The following B3GALT1 variants were observed in gnomAD, a reference collection of about 807,000 sequenced individuals.
B3GALT1 encodes UDP-Gal:betaGlcNAc beta 1,3-galactosyltransferase, polypeptide 1.
A neutral mutation model predicts 23.2 loss-of-function variants in B3GALT1; 10 were observed. The observed-to-expected ratio is 0.43, with a 90% CI of 0.27 to 0.73. B3GALT1 has a LOEUF of 0.73. Ranked by LOEUF, B3GALT1 falls within the 30% of genes least tolerant of loss-of-function variation. The pLI, the probability that B3GALT1 is intolerant of heterozygous loss-of-function variation, is 0.21. For synonymous variants in B3GALT1, 156 were observed against 141.5 expected (o/e 1.10, Z -0.73); for missense variants, 299 against 405.4 (o/e 0.74, Z 2.25).
chr2:167,607,471 C>T (rs1684985459), intron 2 of B3GALT1, among the ~76,000 whole-genome samples: 1 of 152,180 alleles, frequency 6.6e-6, no homozygotes, highest in African/African-American at 2.4e-5. Context: ...TACGATCTTA[C>T]TGCTAGTGCA....
At chr2:167,520,085 G>T (rs1700165624) in intron 2 of B3GALT1, among the ~76,000 whole-genome samples, 2 of 151,120 alleles carry the variant, frequency 1.3e-5, no homozygotes, top group Middle Eastern at 3.2e-3. Flanking sequence ...TAATATGAAA[G>T]ATGGAATCAA....
At chr2:167,753,689 G>T (rs2105289597) in intron 3 of B3GALT1, among the ~76,000 whole-genome samples, 1 of 152,212 alleles carries the variant, frequency 6.6e-6, no homozygotes, top group Non-Finnish European at 1.5e-5. Flanking sequence ...TGTTTTAATT[G>T]CACAAAATTT....
At chr2:167,614,794 A>G (rs991482134) in intron 2 of B3GALT1, among the ~76,000 whole-genome samples, 1 of 152,052 alleles carries the variant, frequency 6.6e-6, no homozygotes, top group Non-Finnish European at 1.5e-5. Context: ...TTTCAAATAC[A>G]TTAGAAAAGG....
chr2:167,500,208 C>A (rs747383036), intron 2 of B3GALT1, among the ~76,000 whole-genome samples: 1 of 152,136 alleles, frequency 6.6e-6, no homozygotes, highest in Non-Finnish European at 1.5e-5. Context: ...GAGTTCTCAA[C>A]CTCTGTCAAT....
chr2:167,411,086 A>G (rs544681454), intron 1 of B3GALT1, among the ~76,000 whole-genome samples: 1 of 149,816 alleles, frequency 6.7e-6, no homozygotes, highest in East Asian at 1.9e-4. Flanking sequence ...AAGTGTTACA[A>G]AAAAAAAAAG....
At chr2:167,718,160 T>C (rs1687179952) in intron 3 of B3GALT1, among the ~76,000 whole-genome samples, 1 of 152,074 alleles carries the variant, frequency 6.6e-6, no homozygotes, top group East Asian at 1.9e-4. Flanking sequence ...TGTGACCAAA[T>C]TACAGAAGGT....
At chr2:167,376,148 C>G (rs79504832) in intron 1 of B3GALT1, among the ~76,000 whole-genome samples, 4,900 of 152,170 alleles carry the variant, frequency 0.032, 257 homozygotes, top group African/African-American at 0.11. Context: ...TATGTCGAAC[C>G]ATTCTTGCAT....
chr2:167,838,334 A>G (rs1689540062), intron 4 of B3GALT1, among the ~76,000 whole-genome samples: 1 of 152,286 alleles, frequency 6.6e-6, no homozygotes, highest in Non-Finnish European at 1.5e-5. Context: ...ATAAAAAATG[A>G]TAAAGGGGAT....
At chr2:167,367,524 G>A (rs1697608003) in intron 1 of B3GALT1, among the ~76,000 whole-genome samples, 1 of 152,110 alleles carries the variant, frequency 6.6e-6, no homozygotes, top group Admixed American at 6.6e-5. Context: ...ACATTTTTGA[G>A]GATTAAGTGA....
chr2:167,756,417 C>T (rs1687819994), intron 3 of B3GALT1, among the ~76,000 whole-genome samples: 2 of 152,178 alleles, frequency 1.3e-5, no homozygotes, highest in Admixed American at 6.5e-5. Flanking sequence ...TAGACAAATA[C>T]TCTTGTTGAT....
intron 1 of B3GALT1, among the ~76,000 whole-genome samples, chr2:167,325,601 G>A (rs1553512049): frequency 6.6e-6 from 1 of 151,772 alleles, no homozygotes; most frequent in Non-Finnish European, 1.5e-5. Flanking sequence ...AATTCCACAT[G>A]AGATTTGGGT....
chr2:167,624,629 T>G (rs1213712193), intron 2 of B3GALT1, among the ~76,000 whole-genome samples: 1 of 151,994 alleles, frequency 6.6e-6, no homozygotes, highest in African/African-American at 2.4e-5. Flanking sequence ...ACTCCCAAAT[T>G]TAAATTTATA....
At chr2:167,854,826 G>T (rs1257663663) in intron 4 of B3GALT1, among the ~76,000 whole-genome samples, 2 of 152,160 alleles carry the variant, frequency 1.3e-5, no homozygotes, top group South Asian at 4.1e-4. Flanking sequence ...ATTGACCATA[G>T]TCACATCGCT....
At chr2:167,416,994 C>T (rs77851158) in intron 1 of B3GALT1, among the ~76,000 whole-genome samples, 7,756 of 152,100 alleles carry the variant, frequency 0.051, 282 homozygotes, top group South Asian at 0.11. Context: ...TAGGTAAGAC[C>T]GGACTTTGGA....
intron 2 of B3GALT1, among the ~76,000 whole-genome samples, chr2:167,639,187 C>T (rs1247288354): frequency 6.6e-6 from 1 of 151,950 alleles, no homozygotes; most frequent in Non-Finnish European, 1.5e-5. Flanking sequence ...TAGAAAGTTA[C>T]ACATTATAAA....
intron 1 of B3GALT1, among the ~76,000 whole-genome samples, chr2:167,439,309 A>C (rs527924217): frequency 3.3e-5 from 5 of 152,332 alleles, no homozygotes; most frequent in Admixed American, 6.5e-5. Context: ...ATCTTAAGCC[A>C]CATCAATTCC....
chr2:167,859,832 C>G (rs1690065055), intron 4 of B3GALT1, among the ~76,000 whole-genome samples: 3 of 152,154 alleles, frequency 2.0e-5, no homozygotes, highest in Admixed American at 1.3e-4. Context: ...AACACTTATT[C>G]CTATGAGCGT....
At chr2:167,582,413 C>G (rs967931615) in intron 2 of B3GALT1, among the ~76,000 whole-genome samples, 1 of 152,142 alleles carries the variant, frequency 6.6e-6, no homozygotes, top group African/African-American at 2.4e-5. Flanking sequence ...TCACACTGTA[C>G]TCAGATATGC....
At chr2:167,630,363 T>C (rs138801020) in intron 2 of B3GALT1, among the ~76,000 whole-genome samples, 1,545 of 151,862 alleles carry the variant, frequency 0.01, 16 homozygotes, top group Non-Finnish European at 0.015. Context: ...TTATGAGAGA[T>C]TGTAAAAACT....
Sources: gnomAD v4.1 joint callset for allele counts (sites outside exome capture counted in the v4.1 genomes callset) on GRCh38, gnomAD v4.1.1 for gene constraint, MANE v1.5 for transcripts, NCBI Gene and HGNC (gene_info 2026-07-23, HGNC 2026-07-21) for gene names.